Variants in NCKAP5 observed in about 807,000 individuals in gnomAD.
The protein encoded by NCKAP5 is nck-associated protein 5.
NCKAP5 carries 92 observed loss-of-function variants against 167.0 expected under a neutral mutation model. The ratio of observed to expected loss-of-function variants is 0.55; its 90% CI spans 0.47 to 0.66. The LOEUF is 0.66. NCKAP5 is among the 30% of genes least tolerant of loss of function. NCKAP5 has a pLI of 0.00. For synonymous variants in NCKAP5, 891 were observed against 877.4 expected (o/e 1.02, Z -0.27); for missense variants, 2,378 against 2,315.0 (o/e 1.03, Z -0.56).
At chr2:132,827,316 T>C (rs77672680) in intron 11 of NCKAP5, among the ~76,000 whole-genome samples, 10,603 of 152,226 alleles carry the variant, frequency 0.07, 486 homozygotes, top group African/African-American at 0.13. Flanking sequence ...TCCAGTGGCA[T>C]TAAGCATCTT....
intron 5 of NCKAP5, among the ~76,000 whole-genome samples, chr2:133,196,517 G>C (rs1173635566): frequency 6.6e-6 from 1 of 152,152 alleles, no homozygotes; most frequent in Non-Finnish European, 1.5e-5. Flanking sequence ...GCTGGGAGTA[G>C]AACTACCACA....
At chr2:133,480,565 TTACTC>T (rs930005478) in intron 3 of NCKAP5, among the ~76,000 whole-genome samples, 3 of 152,262 alleles carry the variant, frequency 2.0e-5, no homozygotes, top group Admixed American at 6.5e-5. Context: ...GAGAAAGTGT[TTACTC>T]TACAGAAGCA....
chr2:132,937,087 G>A (rs1696907334), intron 8 of NCKAP5, among the ~76,000 whole-genome samples: 1 of 152,114 alleles, frequency 6.6e-6, no homozygotes, highest in African/African-American at 2.4e-5. Context: ...TAGAAGCTGG[G>A]GAATTTACTG....
intron 5 of NCKAP5, among the ~76,000 whole-genome samples, chr2:133,159,494 T>C (rs1405104274): frequency 6.6e-6 from 1 of 152,180 alleles, no homozygotes; most frequent in Non-Finnish European, 1.5e-5. Flanking sequence ...TGTAGACTGT[T>C]TGCTATGGCA....
At chr2:133,259,516 A>C (rs1169083035) in intron 4 of NCKAP5, among the ~76,000 whole-genome samples, 1 of 152,190 alleles carries the variant, frequency 6.6e-6, no homozygotes, top group Non-Finnish European at 1.5e-5. Context: ...AGGAAGAGGG[A>C]GATCATGTCA....
chr2:133,223,659 C>A (rs2150215672), intron 4 of NCKAP5, among the ~76,000 whole-genome samples: 1 of 152,170 alleles, frequency 6.6e-6, no homozygotes. Flanking sequence ...CTGTTGCCCC[C>A]AAAACTTTAA....
chr2:133,357,772 T>C (rs930693516), intron 3 of NCKAP5, among the ~76,000 whole-genome samples: 16 of 152,246 alleles, frequency 1.1e-4, no homozygotes, highest in Non-Finnish European at 4.4e-5. Context: ...GCTTCCTTGC[T>C]TAAAACACTT....
intron 16 of NCKAP5, among the ~76,000 whole-genome samples, chr2:132,771,738 T>A (rs1682073673): frequency 6.6e-6 from 1 of 151,614 alleles, no homozygotes; most frequent in East Asian, 1.9e-4. Context: ...ATTGGCATGA[T>A]CTCGGCTCAC....
intron 2 of NCKAP5, among the ~76,000 whole-genome samples, chr2:133,551,616 C>T (rs1173474568): frequency 3.2e-5 from 2 of 61,784 alleles, no homozygotes; most frequent in Non-Finnish European, 6.2e-5. Context: ...AAGATTTAAA[C>T]GTTAGACCTA....
intron 16 of NCKAP5, among the ~76,000 whole-genome samples, chr2:132,762,086 C>T (rs1485719202): frequency 2.6e-5 from 4 of 152,184 alleles, no homozygotes; most frequent in Admixed American, 6.5e-5. Flanking sequence ...ATCCTCGTCA[C>T]GCTGCTGAGC....
At chr2:133,174,699 C>T (rs1271101853) in intron 5 of NCKAP5, among the ~76,000 whole-genome samples, 2 of 110,112 alleles carry the variant, frequency 1.8e-5, no homozygotes, top group African/African-American at 8.7e-5. Context: ...TTCCAAGTAA[C>T]ATCTTTTTTT....
chr2:132,780,901 C>A lies in NCKAP5; in HGVS notation c.5049+151G>T, dbSNP rs1006270290. 1.7e-5 allele frequency: 14 copies of A among 826,416 alleles called. No homozygotes were observed. The Admixed American group carries it at 3.8e-4, about 22-fold the overall frequency. The allele number at this position is 826,416 out of a possible 1,614,324, so 51.2% of individuals were successfully genotyped here. On this transcript the variant is annotated intron_variant, in intron 15 of 19. Transcript: ENST00000409261. ...TCTGCTGCAGTTGTCACCAGGATTT[C>A]GCTCTCTTTTTACAAATCCTTTTTC...
intron 5 of NCKAP5, among the ~76,000 whole-genome samples, chr2:133,203,184 T>G (rs1015199357): frequency 4.6e-5 from 7 of 152,132 alleles, no homozygotes; most frequent in African/African-American, 1.7e-4. Flanking sequence ...ATGTGGCACA[T>G]ATACACCATG....
chr2:133,224,513 A>G, intron 4 of NCKAP5, among the ~76,000 whole-genome samples: 1 of 152,210 alleles, frequency 6.6e-6, no homozygotes. Context: ...TGTACATTTT[A>G]GATGCTCCAT....
At chr2:132,870,990 A>G (rs183289325) in intron 9 of NCKAP5, among the ~76,000 whole-genome samples, 2 of 152,146 alleles carry the variant, frequency 1.3e-5, no homozygotes, top group African/African-American at 4.8e-5. Context: ...TCAAAGTTAC[A>G]TTGCAGACAT....
At chr2:133,602,000 A>C in the NCKAP5 span, among the ~76,000 whole-genome samples, 1 of 152,188 alleles carries the variant, frequency 6.6e-6, no homozygotes, top group Non-Finnish European at 1.5e-5. Context: ...TGTTTTAAAT[A>C]AATAATGTTT....
chr2:133,377,510 G>GA (rs1303573419), intron 3 of NCKAP5, among the ~76,000 whole-genome samples: 1 of 152,072 alleles, frequency 6.6e-6, no homozygotes, highest in Non-Finnish European at 1.5e-5. Flanking sequence ...TCAAACTGGA[G>GA]AAAAAAATCT....
At chr2:133,562,773 A>G (rs914195540) in intron 1 of NCKAP5, among the ~76,000 whole-genome samples, 1 of 152,202 alleles carries the variant, frequency 6.6e-6, no homozygotes, top group Non-Finnish European at 1.5e-5. Flanking sequence ...TGAAAATACC[A>G]AGATTAATTT....
Position 132,994,144 on chromosome 2 carries a change from T to C in NCKAP5, c.429+8A>G. ...AGTACCCAGCCAAGAATAATAAACA[T>C]GGTGTACCTGATAGACCATTATATT... is the stretch of plus-strand genomic sequence containing the variant. On this transcript the variant is annotated splice_region_variant and intron_variant, in intron 7 of 19. Transcript: ENST00000409261. 4 of 1,543,712 alleles carry C rather than the reference T, an allele frequency of 2.6e-6. No individual in the cohort carries two copies. Among genetic ancestry groups the C allele is most frequent in the Non-Finnish European group, 3.5e-6 (4 of 1,136,740 alleles).
Sources: allele counts gnomAD v4.1 joint callset (sites outside exome capture counted in the v4.1 genomes callset), GRCh38; gene constraint gnomAD v4.1.1; transcripts MANE v1.5; gene names NCBI Gene and HGNC (gene_info 2026-07-23, HGNC 2026-07-21).